RPSA2: variants seen among roughly 807,000 people sequenced by gnomAD.
RPSA2 encodes ribosomal protein SA 2.
chr19:23,857,900 T>C, the RPSA2 span, among the ~76,000 whole-genome samples: 1 of 152,150 alleles, frequency 6.6e-6, no homozygotes, highest in East Asian at 1.9e-4. Flanking sequence ...TATCTGTGTT[T>C]CCTGTGTATT....
chr19:23,797,212 C>T, the RPSA2 span, among the ~76,000 whole-genome samples: 26 of 152,108 alleles, frequency 1.7e-4, no homozygotes, highest in African/African-American at 5.5e-4. Context: ...CAGGTTCAAG[C>T]GACTCTCTGG....
chr19:23,773,279 TA>T, the RPSA2 span, among the ~76,000 whole-genome samples: 1 of 79,334 alleles, frequency 1.3e-5, no homozygotes, highest in Non-Finnish European at 2.4e-5. Flanking sequence ...TATATATATA[TA>T]TATATATCAA....
the RPSA2 span, among the ~76,000 whole-genome samples, chr19:23,835,687 A>G: frequency 2.0e-5 from 3 of 151,336 alleles, no homozygotes; most frequent in Admixed American, 1.3e-4. Context: ...CCCAGGCTGG[A>G]GTGCAATGGT....
the RPSA2 span, among the ~76,000 whole-genome samples, chr19:23,841,022 A>G: frequency 6.6e-6 from 1 of 151,456 alleles, no homozygotes; most frequent in Non-Finnish European, 1.5e-5. Context: ...CTTGAACTTT[A>G]CATAAAACAT....
At chr19:23,814,766 T>G in the RPSA2 span, among the ~76,000 whole-genome samples, 1 of 152,148 alleles carries the variant, frequency 6.6e-6, no homozygotes, top group African/African-American at 2.4e-5. Context: ...TTAGTTTTAA[T>G]TTATAGCTTA....
the RPSA2 span, chr19:23,832,656 A>G: frequency 6.8e-7 from 1 of 1,475,938 alleles, no homozygotes; most frequent in Non-Finnish European, 9.1e-7. Flanking sequence ...AAGGTGGCAA[A>G]GCATTTCTAT....
the RPSA2 span, among the ~76,000 whole-genome samples, chr19:23,803,265 CA>C: frequency 0.012 from 1,803 of 152,172 alleles, 40 homozygotes; most frequent in African/African-American, 0.04. Context: ...TCTTGTCTCA[CA>C]GAACTAACTA....
chr19:23,788,223 C>A, the RPSA2 span, among the ~76,000 whole-genome samples: 8 of 132,486 alleles, frequency 6.0e-5, no homozygotes, highest in Non-Finnish European at 1.3e-4. Context: ...AGTGATTGTG[C>A]CATATAGCTG....
the RPSA2 span, among the ~76,000 whole-genome samples, chr19:23,779,161 C>T: frequency 8.5e-5 from 13 of 152,104 alleles, no homozygotes; most frequent in East Asian, 1.9e-4. Context: ...CCACCACACC[C>T]GGCTAATTTT....
At chr19:23,833,102 C>A in the RPSA2 span, 2 of 1,258,260 alleles carry the variant, frequency 1.6e-6, no homozygotes, top group African/African-American at 3.1e-5. Context: ...TCAAGCTTTA[C>A]TAAACATAAG....
the RPSA2 span, among the ~76,000 whole-genome samples, chr19:23,853,977 G>A: frequency 1.3e-5 from 2 of 152,150 alleles, no homozygotes; most frequent in Non-Finnish European, 2.9e-5. Flanking sequence ...CCTTGAATGT[G>A]TTTGGTGCAG....
chr19:23,820,812 G>A, the RPSA2 span, among the ~76,000 whole-genome samples: 1 of 152,196 alleles, frequency 6.6e-6, no homozygotes, highest in Non-Finnish European at 1.5e-5. Flanking sequence ...TTTTTGGGCT[G>A]AAGTTTCTGT....
At chr19:23,764,148 T>C in the RPSA2 span, among the ~76,000 whole-genome samples, 3 of 152,210 alleles carry the variant, frequency 2.0e-5, no homozygotes, top group Non-Finnish European at 2.9e-5. Context: ...GCCACTTCAG[T>C]CTAATTTCCT....
At chr19:23,839,698 T>A in the RPSA2 span, among the ~76,000 whole-genome samples, 2 of 152,206 alleles carry the variant, frequency 1.3e-5, no homozygotes, top group Admixed American at 1.3e-4. Context: ...TACCCCTTGC[T>A]TCTCTGTCCT....
chr19:23,833,711 A>G, the RPSA2 span, among the ~76,000 whole-genome samples: 1 of 152,142 alleles, frequency 6.6e-6, no homozygotes, highest in Non-Finnish European at 1.5e-5. Flanking sequence ...GTTCATATGA[A>G]ATAAAAGCAT....
At chr19:23,766,756 ATGTT>A in the RPSA2 span, among the ~76,000 whole-genome samples, 17,339 of 71,260 alleles carry the variant, frequency 0.24, 1,064 homozygotes, top group East Asian at 0.39. Flanking sequence ...GCCGGGCCAA[ATGTT>A]TTTTTTTTTT....
chr19:23,831,415 T>G, the RPSA2 span, among the ~76,000 whole-genome samples: 1 of 152,134 alleles, frequency 6.6e-6, no homozygotes, highest in Non-Finnish European at 1.5e-5. Flanking sequence ...TTTTTACAGA[T>G]GTATTTGGGT....
At chr19:23,847,190 G>C in the RPSA2 span, among the ~76,000 whole-genome samples, 12 of 149,368 alleles carry the variant, frequency 8.0e-5, no homozygotes, top group East Asian at 1.8e-3. Flanking sequence ...AAATCTTTAA[G>C]TTCTACAATT....
At chr19:23,853,675 G>T in the RPSA2 span, among the ~76,000 whole-genome samples, 1 of 152,112 alleles carries the variant, frequency 6.6e-6, no homozygotes, top group Admixed American at 6.6e-5. Flanking sequence ...TTATATGTTG[G>T]GTGGGAGCAC....
Sources: gnomAD v4.1 joint callset for allele counts (sites outside exome capture counted in the v4.1 genomes callset) on GRCh38, gnomAD v4.1.1 for gene constraint, MANE v1.5 for transcripts, NCBI Gene and HGNC (gene_info 2026-07-23, HGNC 2026-07-21) for gene names.